Variants in MYH16 observed in about 807,000 individuals in gnomAD.
MYH16 encodes myosin heavy chain 16, also known as putative uncharacterized protein MYH16.
chr7:99,264,457 A>G (rs1255949266), intron 15 of MYH16: 1 of 152,472 alleles, frequency 6.6e-6, no homozygotes, highest in African/African-American at 2.4e-5. Flanking sequence ...CCACAGAATC[A>G]TAGGATCATT....
intron 18 of MYH16, among the ~76,000 whole-genome samples, chr7:99,267,841 C>T (rs1450564182): frequency 2.0e-5 from 3 of 152,238 alleles, no homozygotes; most frequent in African/African-American, 7.2e-5. Flanking sequence ...TGCACCCCAA[C>T]ATGATCGCCC....
intron 6 of MYH16, chr7:99,251,308 A>G (rs1563102903): frequency 1.3e-5 from 2 of 152,814 alleles, no homozygotes; most frequent in Non-Finnish European, 2.9e-5. Flanking sequence ...AAGTGAAGAC[A>G]TCCCCTTCCC....
At chr7:99,254,895 G>T in intron 8 of MYH16, among the ~76,000 whole-genome samples, 1 of 152,180 alleles carries the variant, frequency 6.6e-6, no homozygotes, top group Admixed American at 6.5e-5. Flanking sequence ...AGCACTTTGG[G>T]AGGCAAAGGC....
intron 37 of MYH16, among the ~76,000 whole-genome samples, chr7:99,300,187 T>C (rs536804427): frequency 6.6e-6 from 1 of 151,898 alleles, no homozygotes; most frequent in African/African-American, 2.4e-5. Flanking sequence ...CTCCAATGCC[T>C]GACCTCAGGT....
chr7:99,259,926 T>A (rs929476544), intron 11 of MYH16, among the ~76,000 whole-genome samples: 1 of 151,820 alleles, frequency 6.6e-6, no homozygotes, highest in Non-Finnish European at 1.5e-5. Flanking sequence ...CTGAACATCA[T>A]ACTGTGTGGC....
At chr7:99,291,850 T>A (rs572197437) in intron 31 of MYH16, among the ~76,000 whole-genome samples, 2 of 151,878 alleles carry the variant, frequency 1.3e-5, no homozygotes, top group Non-Finnish European at 2.9e-5. Context: ...TCCCAGCTAC[T>A]TGGGAGGCCG....
chr7:99,268,820 C>T (rs1411924335), intron 18 of MYH16, among the ~76,000 whole-genome samples: 3 of 152,210 alleles, frequency 2.0e-5, no homozygotes, highest in Non-Finnish European at 1.5e-5. Flanking sequence ...TCTAGCTCCT[C>T]GGGGGTCCTT....
Position 99,273,446 on chromosome 7 carries a change from AG to A in MYH16, n.2485+29del, listed in dbSNP as rs770288125. On this transcript the variant is annotated intron_variant and non_coding_transcript_variant, in intron 20 of 41. Coordinates refer to ENST00000439784, the Ensembl canonical transcript of MYH16. ...AAGGTGAGGGCCGAGGGGCCAGGCC[AG>A]GGGGGACTGCTGCTGCCTATGGGCT... The A allele has an allele frequency of 5.5e-5, 25 of 456,624 alleles. No individual in the cohort carries two copies. The Admixed American group carries it at 5.6e-4, about 10-fold the overall frequency. The allele number at this position is 456,624 out of a possible 1,614,324, so 28.3% of individuals were successfully genotyped here. A position where few individuals can be genotyped will look rare whatever the true frequency, so the allele number is the denominator to read the frequency against.
At chr7:99,278,544 T>A (rs1792150569) in intron 21 of MYH16, among the ~76,000 whole-genome samples, 1 of 152,198 alleles carries the variant, frequency 6.6e-6, no homozygotes, top group Admixed American at 6.5e-5. Flanking sequence ...CTTTTCCTAT[T>A]CCTTCCCTGA....
chr7:99,251,438 A>T (rs986325779), intron 6 of MYH16, among the ~76,000 whole-genome samples: 1 of 152,224 alleles, frequency 6.6e-6, no homozygotes, highest in Admixed American at 6.5e-5. Context: ...TAGCCAGTCC[A>T]ATTGGCCTCA....
chr7:99,258,233 T>G (rs552440711), exon 11 of MYH16: 2 of 152,926 alleles, frequency 1.3e-5, no homozygotes, highest in African/African-American at 4.8e-5. Context: ...GGCCAGAACA[T>G]GGAACAGTGC....
exon 35 of MYH16, chr7:99,297,737 T>C (rs572245678): frequency 3.1e-5 from 14 of 455,926 alleles, no homozygotes; most frequent in African/African-American, 1.8e-4. Context: ...GAAGAAAAAA[T>C]TGGAGATGGA....
intron 30 of MYH16, among the ~76,000 whole-genome samples, 188 bp from the exon 12 acceptor site, chr7:99,291,135 C>T (rs150040985): frequency 1.3e-5 from 2 of 152,282 alleles, no homozygotes; most frequent in Non-Finnish European, 2.9e-5. Context: ...CCCTTGGGCG[C>T]TTGCCTTTCT....
At chr7:99,297,525 G>C in intron 34 of MYH16, 135 bp from the exon 16 acceptor site, 1 of 347,728 alleles carries the variant, frequency 2.9e-6, no homozygotes, top group South Asian at 2.2e-5. Context: ...TAAGATTATG[G>C]TCAGGTGTGG....
At chr7:99,271,922 C>T (rs1792052097) in intron 19 of MYH16, among the ~76,000 whole-genome samples, 1 of 152,106 alleles carries the variant, frequency 6.6e-6, no homozygotes, top group Admixed American at 6.5e-5. Flanking sequence ...ATTTCAAACT[C>T]CTGGGCTCAA....
At chr7:99,265,008 G>A (rs1339459635) in intron 15 of MYH16, 1 of 152,680 alleles carries the variant, frequency 6.5e-6, no homozygotes, top group Non-Finnish European at 1.5e-5. Context: ...TCAGTTTTAA[G>A]TGAATAAACT....
chr7:99,271,778 C>A (rs142178550), intron 19 of MYH16, among the ~76,000 whole-genome samples: 185 of 152,308 alleles, frequency 1.2e-3, no homozygotes, highest in Non-Finnish European at 2.1e-3. Context: ...TAGCTCACTG[C>A]AGCCTCAACC....
intron 37 of MYH16, among the ~76,000 whole-genome samples, chr7:99,300,311 T>C (rs753595859): frequency 6.6e-6 from 1 of 152,134 alleles, no homozygotes; most frequent in African/African-American, 2.4e-5. Flanking sequence ...ATTTCAGACA[T>C]AGAGAAATGA....
chr7:99,267,843 T>C (rs1316176624), intron 18 of MYH16, among the ~76,000 whole-genome samples: 1 of 152,160 alleles, frequency 6.6e-6, no homozygotes, highest in East Asian at 1.9e-4. Context: ...CACCCCAACA[T>C]GATCGCCCCG....
Sources: gnomAD v4.1 joint callset for allele counts (sites outside exome capture counted in the v4.1 genomes callset) on GRCh38, gnomAD v4.1.1 for gene constraint, MANE v1.5 for transcripts, NCBI Gene and HGNC (gene_info 2026-07-23, HGNC 2026-07-21) for gene names.